The following MOSMO variants were observed in gnomAD, a reference collection of about 807,000 sequenced individuals.
MOSMO encodes the protein modulator of smoothened protein.
A neutral mutation model predicts 18.4 loss-of-function variants in MOSMO; 5 were observed. The ratio of observed to expected loss-of-function variants is 0.27; its 90% CI spans 0.14 to 0.57. The LOEUF is 0.57. Among genes scored for constraint, MOSMO ranks in the 20% least tolerant of loss-of-function variants. MOSMO has a pLI of 0.92. For synonymous variants in MOSMO, 82 were observed against 82.3 expected, an observed-to-expected ratio of 1.00 and a Z score of 0.02; for missense variants, 138 against 211.8, an observed-to-expected ratio of 0.65 and a Z score of 2.16.
chr16:22,038,016 C>T (rs1900140462), intron 1 of MOSMO, among the ~76,000 whole-genome samples: 2 of 152,216 alleles, frequency 1.3e-5, no homozygotes, highest in African/African-American at 4.8e-5. Flanking sequence ...GTCTTCTAAT[C>T]ATGCCTTGAT....
chr16:22,060,742 G>A (rs1426073134), intron 1 of MOSMO, among the ~76,000 whole-genome samples: 3 of 151,960 alleles, frequency 2.0e-5, no homozygotes, highest in East Asian at 1.9e-4. Flanking sequence ...GCTTTATGGC[G>A]CATGCCTGTA....
downstream of MOSMO, chr16:22,087,585 C>G (rs1177824795): frequency 6.6e-6 from 1 of 152,172 alleles, no homozygotes; most frequent in Non-Finnish European, 1.5e-5. Context: ...AGTTGAAGAA[C>G]CAAAATCCTT....
intron 1 of MOSMO, among the ~76,000 whole-genome samples, chr16:22,045,337 G>A (rs928519132): frequency 1.3e-5 from 2 of 152,144 alleles, no homozygotes; most frequent in African/African-American, 4.8e-5. Context: ...GTTTTCTGAT[G>A]TGACTTTACA....
downstream of MOSMO, among the ~76,000 whole-genome samples, chr16:22,092,046 T>C (rs1389113142): frequency 6.6e-6 from 1 of 152,230 alleles, no homozygotes; most frequent in East Asian, 1.9e-4. Flanking sequence ...GGAACCACTG[T>C]GGCAGATGAT....
At chr16:22,087,725 C>T (rs1901213021), downstream of MOSMO, among the ~76,000 whole-genome samples, 1 of 152,126 alleles carries the variant, frequency 6.6e-6, no homozygotes, top group African/African-American at 2.4e-5. Context: ...TGCAGTCCCA[C>T]CCTTACATGC....
Position 22,083,158 on chromosome 16 carries a change from A to G in MOSMO, c.*2278A>G, listed in dbSNP as rs1371810888. On this transcript the variant is annotated 3_prime_UTR_variant, in exon 3 of 3. Transcript: ENST00000542527. Reference sequence around the variant, plus strand: ...GAATTGTATTGTAAATAGTTTCTCAAAATATTTTTAACTGGATCATGAGCA... The same window carrying G: ...GAATTGTATTGTAAATAGTTTCTCAGAATATTTTTAACTGGATCATGAGCA... 6.6e-6 allele frequency: 1 copy of G among 152,236 alleles called. No individual in the cohort carries two copies. Among genetic ancestry groups the G allele is most frequent in the Non-Finnish European group, 1.5e-5 (1 of 68,054 alleles). The allele number at this position is 152,236 out of a possible 1,614,324, so 9.4% of individuals were successfully genotyped here. A position where few individuals can be genotyped will look rare whatever the true frequency, so the allele number is the denominator to read the frequency against.
chr16:22,092,551 G>C, the MOSMO span: 7 of 1,521,866 alleles, frequency 4.6e-6, no homozygotes, highest in South Asian at 8.6e-5. Flanking sequence ...GAGTTGCTTG[G>C]AGGAGCTTGG....
intron 1 of MOSMO, among the ~76,000 whole-genome samples, chr16:22,039,216 G>T (rs141460971): frequency 3.3e-5 from 5 of 152,076 alleles, no homozygotes; most frequent in Non-Finnish European, 7.4e-5. Context: ...ACTCCTTAAC[G>T]CATAGTTTGG....
At chr16:22,026,650 C>T (rs913045103) in intron 1 of MOSMO, among the ~76,000 whole-genome samples, 1 of 151,966 alleles carries the variant, frequency 6.6e-6, no homozygotes, top group Non-Finnish European at 1.5e-5. Flanking sequence ...CGTGAAATAG[C>T]GGAAATGAGT....
chr16:22,069,865 A>G (rs1317365518), intron 1 of MOSMO, among the ~76,000 whole-genome samples: 1 of 152,204 alleles, frequency 6.6e-6, no homozygotes, highest in Non-Finnish European at 1.5e-5. Context: ...CATATGGGAT[A>G]GTTTTGTTTT....
At chr16:22,077,149 A>G (rs77815079) in intron 2 of MOSMO, among the ~76,000 whole-genome samples, 4,390 of 152,302 alleles carry the variant, frequency 0.029, 191 homozygotes, top group African/African-American at 0.099. Context: ...AGAAGGATTT[A>G]GTTTCTGGAT....
Position 22,044,903 on chromosome 16 carries a change from C to T in MOSMO, c.107-30584C>T, listed in dbSNP as rs1282795145. On this transcript the variant is annotated intron_variant, in intron 1 of 2. Transcript: ENST00000542527. Reference sequence around the variant, plus strand: ...TATAATAGCAATAATAGACCAGAAGCGGTGGCTCACACATGTAATCCCAAC... The same window carrying T: ...TATAATAGCAATAATAGACCAGAAGTGGTGGCTCACACATGTAATCCCAAC... Among the ~76,000 whole-genome samples the T allele has an allele frequency of 6.6e-5, 10 of 151,860 alleles. No homozygotes were observed. The South Asian group carries it at 8.3e-4, about 13-fold the overall frequency.
intron 1 of MOSMO, among the ~76,000 whole-genome samples, chr16:22,038,544 T>A (rs1900151561): frequency 6.6e-6 from 1 of 152,136 alleles, no homozygotes; most frequent in African/African-American, 2.4e-5. Context: ...CCAATGAAGA[T>A]GAAGTTAGGT....
chr16:22,060,182 A>C (rs1900614306), intron 1 of MOSMO, among the ~76,000 whole-genome samples: 1 of 152,172 alleles, frequency 6.6e-6, no homozygotes, highest in Non-Finnish European at 1.5e-5. Context: ...GTCTCAAAAA[A>C]AAATTGAAAA....
At chr16:22,022,710 G>C (rs80251497) in intron 1 of MOSMO, among the ~76,000 whole-genome samples, 9,140 of 152,012 alleles carry the variant, frequency 0.06, 861 homozygotes, top group African/African-American at 0.21. Context: ...CCTGACCCCC[G>C]ATATGGTAGT....
chr16:22,052,506 T>G (rs1035585951), intron 1 of MOSMO, among the ~76,000 whole-genome samples: 1 of 152,204 alleles, frequency 6.6e-6, no homozygotes, highest in Non-Finnish European at 1.5e-5. Context: ...CCAGTTTTAC[T>G]TATTAACAGA....
At chr16:22,020,460 A>G (rs1899736234) in intron 1 of MOSMO, among the ~76,000 whole-genome samples, 1 of 151,084 alleles carries the variant, frequency 6.6e-6, no homozygotes, top group South Asian at 2.1e-4. Context: ...ACGCCCAGCT[A>G]ATTTTTGTAT....
intron 1 of MOSMO, among the ~76,000 whole-genome samples, chr16:22,030,703 A>G (rs1899976335): frequency 1.3e-5 from 2 of 152,186 alleles, no homozygotes; most frequent in East Asian, 1.9e-4. Flanking sequence ...TAATTCTTCT[A>G]TTTTTAGTAG....
chr16:22,070,740 A>G (rs1235899865), intron 1 of MOSMO, among the ~76,000 whole-genome samples: 1 of 152,190 alleles, frequency 6.6e-6, no homozygotes, highest in African/African-American at 2.4e-5. Flanking sequence ...GATAAAAATC[A>G]TCACCACTAG....
Sources: allele counts gnomAD v4.1 joint callset (sites outside exome capture counted in the v4.1 genomes callset), GRCh38; gene constraint gnomAD v4.1.1; transcripts MANE v1.5; gene names NCBI Gene and HGNC (gene_info 2026-07-23, HGNC 2026-07-21).